HEMK2: variants seen among roughly 807,000 people sequenced by gnomAD.
The protein encoded by HEMK2 is methyltransferase HEMK2.
the HEMK2 span, among the ~76,000 whole-genome samples, chr21:28,815,938 G>A: frequency 2.0e-5 from 3 of 152,116 alleles, no homozygotes; most frequent in Non-Finnish European, 1.5e-5. Flanking sequence ...ATTTTGAAAT[G>A]GGGCCTTTAA....
At chr21:28,626,064 C>A in the HEMK2 span, among the ~76,000 whole-genome samples, 2 of 151,592 alleles carry the variant, frequency 1.3e-5, no homozygotes, top group Non-Finnish European at 2.9e-5. Flanking sequence ...CCACAGGAAA[C>A]AGTAAATAAC....
At chr21:28,698,921 G>A in the HEMK2 span, among the ~76,000 whole-genome samples, 8 of 152,130 alleles carry the variant, frequency 5.3e-5, no homozygotes, top group Non-Finnish European at 8.8e-5. Context: ...CATGGGTGGC[G>A]AATGAAATCC....
the HEMK2 span, chr21:28,885,115 G>A: frequency 1.4e-6 from 2 of 1,420,744 alleles, no homozygotes; most frequent in Non-Finnish European, 1.9e-6. Flanking sequence ...GCCTGCTCCG[G>A]CTCAGGGCGG....
At chr21:28,884,515 C>A in the HEMK2 span, among the ~76,000 whole-genome samples, 1 of 152,202 alleles carries the variant, frequency 6.6e-6, no homozygotes, top group Admixed American at 6.5e-5. Context: ...TGTCAGTATT[C>A]ATTCCTTCTG....
At chr21:28,587,931 G>T in the HEMK2 span, among the ~76,000 whole-genome samples, 1 of 152,160 alleles carries the variant, frequency 6.6e-6, no homozygotes, top group Non-Finnish European at 1.5e-5. Flanking sequence ...AGAGCATTTT[G>T]GTCAAAAGAC....
the HEMK2 span, among the ~76,000 whole-genome samples, chr21:28,843,251 G>A: frequency 6.6e-6 from 1 of 152,166 alleles, no homozygotes; most frequent in Admixed American, 6.5e-5. Flanking sequence ...AAAGGAAAAA[G>A]GTTTACTTGA....
the HEMK2 span, among the ~76,000 whole-genome samples, chr21:28,646,988 G>A: frequency 6.6e-6 from 1 of 152,156 alleles, no homozygotes; most frequent in Non-Finnish European, 1.5e-5. Flanking sequence ...AAGGGGTGTG[G>A]TAAAGTCATA....
chr21:28,765,033 A>G, the HEMK2 span, among the ~76,000 whole-genome samples: 1 of 152,104 alleles, frequency 6.6e-6, no homozygotes. Flanking sequence ...AGTATGATGA[A>G]GTTGATAGAA....
the HEMK2 span, among the ~76,000 whole-genome samples, chr21:28,728,605 TA>T: frequency 2.3e-3 from 349 of 152,074 alleles, no homozygotes; most frequent in African/African-American, 6.7e-3. Flanking sequence ...AGTATTAGCT[TA>T]AAAAAAATGG....
At chr21:28,713,444 C>A in the HEMK2 span, among the ~76,000 whole-genome samples, 1 of 152,156 alleles carries the variant, frequency 6.6e-6, no homozygotes, top group African/African-American at 2.4e-5. Flanking sequence ...ACTCTCAGGC[C>A]TCCCTCACTC....
At chr21:28,879,834 A>G in the HEMK2 span, 1 of 1,432,076 alleles carries the variant, frequency 7.0e-7, no homozygotes, top group East Asian at 2.4e-5. Flanking sequence ...AAAATAATTG[A>G]AAATATTAAT....
the HEMK2 span, among the ~76,000 whole-genome samples, chr21:28,836,112 A>G: frequency 6.6e-6 from 1 of 152,338 alleles, no homozygotes; most frequent in Non-Finnish European, 1.5e-5. Flanking sequence ...AGACATAGAC[A>G]TGTAAATACA....
At chr21:28,879,640 C>T in the HEMK2 span, among the ~76,000 whole-genome samples, 3 of 151,984 alleles carry the variant, frequency 2.0e-5, no homozygotes, top group African/African-American at 7.3e-5. Flanking sequence ...AATACCATGG[C>T]CTGATATGAA....
chr21:28,831,455 A>AAAAGAACG, the HEMK2 span, among the ~76,000 whole-genome samples: 89 of 57,024 alleles, frequency 1.6e-3, 2 homozygotes, highest in South Asian at 2.3e-3. Flanking sequence ...AAAAAGAAAG[A>AAAAGAACG]AAAGAACGAA....
At chr21:28,584,780 A>G in the HEMK2 span, among the ~76,000 whole-genome samples, 1 of 152,138 alleles carries the variant, frequency 6.6e-6, no homozygotes, top group Non-Finnish European at 1.5e-5. Flanking sequence ...GAGCTGCACT[A>G]TAACGGAGAG....
chr21:28,683,945 T>C, the HEMK2 span, among the ~76,000 whole-genome samples: 1 of 152,214 alleles, frequency 6.6e-6, no homozygotes, highest in Non-Finnish European at 1.5e-5. Flanking sequence ...TGTATCTCCT[T>C]GGAGAATATG....
the HEMK2 span, among the ~76,000 whole-genome samples, chr21:28,584,539 C>T: frequency 1.3e-5 from 2 of 151,908 alleles, no homozygotes; most frequent in Non-Finnish European, 2.9e-5. Flanking sequence ...AAAGCAAAAC[C>T]TTTTAATTTA....
the HEMK2 span, among the ~76,000 whole-genome samples, chr21:28,804,062 T>C: frequency 6.6e-6 from 1 of 152,220 alleles, no homozygotes; most frequent in African/African-American, 2.4e-5. Flanking sequence ...AATGAAGAAA[T>C]GAAGCACAAG....
chr21:28,730,679 C>T, the HEMK2 span, among the ~76,000 whole-genome samples: 1 of 152,250 alleles, frequency 6.6e-6, no homozygotes, highest in South Asian at 2.1e-4. Flanking sequence ...CTCCATAGGG[C>T]TATTTAGAAC....
Sources: allele counts gnomAD v4.1 joint callset (sites outside exome capture counted in the v4.1 genomes callset), GRCh38; gene constraint gnomAD v4.1.1; transcripts MANE v1.5; gene names NCBI Gene and HGNC (gene_info 2026-07-23, HGNC 2026-07-21).